The following NR5A2 variants were observed in gnomAD, a reference collection of about 807,000 sequenced individuals.
NR5A2 encodes CYP7A promoter-binding factor.
A neutral mutation model predicts 62.7 loss-of-function variants in NR5A2; 26 were observed. The observed-to-expected ratio is 0.41, with a 90% confidence interval of 0.30 to 0.58. The LOEUF is 0.58. Among genes scored for constraint, NR5A2 ranks in the 20% least tolerant of loss-of-function variants. The probability of loss-of-function intolerance (pLI) is 0.22; values close to 1 mark genes in which losing one functional copy is unlikely to be tolerated. For synonymous variants in NR5A2, 246 were observed against 241.7 expected, an observed-to-expected ratio of 1.02 and a Z score of -0.16; for missense variants, 541 against 669.1, an observed-to-expected ratio of 0.81 and a Z score of 2.11.
intron 1 of NR5A2, among the ~76,000 whole-genome samples, chr1:200,038,531 G>A (rs954826597): frequency 2.3e-4 from 35 of 152,344 alleles, no homozygotes; most frequent in African/African-American, 7.5e-4. Context: ...GGGAGTTGAA[G>A]CTGGAGGACC....
At chr1:200,139,623 C>A (rs1043155052) in intron 7 of NR5A2, among the ~76,000 whole-genome samples, 4 of 152,206 alleles carry the variant, frequency 2.6e-5, no homozygotes, top group African/African-American at 9.6e-5. Context: ...CTGGTTCTAG[C>A]TTCTTCAGTT....
chr1:200,117,129 C>T (rs901494045), intron 6 of NR5A2, among the ~76,000 whole-genome samples: 5 of 152,112 alleles, frequency 3.3e-5, no homozygotes, highest in African/African-American at 1.2e-4. Context: ...TTCAATATCT[C>T]CCTTGAATTT....
chr1:200,048,596 C>T lies in NR5A2; in HGVS notation c.888C>T (p.Ser296=). 1 of 1,614,196 alleles carries T rather than the reference C, an allele frequency of 6.2e-7. No individual in the cohort carries two copies. The highest frequency in any genetic ancestry group is 8.5e-7 in the Non-Finnish European group (1 of 1,180,028). The change falls in exon 5 of 8, where the codon AGC becomes AGT. Residue 296 remains serine, a synonymous_variant. Transcript: ENST00000367362. The surrounding 1 kb of genome is among the most constrained non-coding windows in gnomAD (Gnocchi z 4.8). ...GYSYMDSYQT[S]SPASIPHLIL... The stretch of plus-strand genomic sequence containing the variant: ...CATATATGGATAGTTACCAGACGAG[C>T]TCTCCAGCAAGCATCCCACATCTGA...
At chr1:200,059,992 T>C (rs1444016507) in intron 5 of NR5A2, among the ~76,000 whole-genome samples, 1 of 152,188 alleles carries the variant, frequency 6.6e-6, no homozygotes, top group Non-Finnish European at 1.5e-5. Context: ...CTTGAATATC[T>C]GATACTTAAA....
At chr1:200,105,559 A>G (rs960571949) in intron 5 of NR5A2, among the ~76,000 whole-genome samples, 1 of 152,240 alleles carries the variant, frequency 6.6e-6, no homozygotes, top group Non-Finnish European at 1.5e-5. Flanking sequence ...AAGACCTGAC[A>G]CACCAAAATT....
At chr1:200,119,478 G>T (rs943347316) in intron 6 of NR5A2, among the ~76,000 whole-genome samples, 2 of 152,168 alleles carry the variant, frequency 1.3e-5, no homozygotes, top group Non-Finnish European at 2.9e-5. Flanking sequence ...GTAAAAAAAG[G>T]ATGGGAGCGT....
Position 200,112,315 on chromosome 1 carries a change from C to T in NR5A2, c.1230+994C>T, listed in dbSNP as rs1449372505. Among the ~76,000 whole-genome samples, 5 of 152,198 alleles carry T rather than the reference C, an allele frequency of 3.3e-5. No individual in the cohort carries two copies. The East Asian group carries it at 9.8e-4, about 30-fold the overall frequency. On this transcript the variant is annotated intron_variant, in intron 6 of 7. Coordinates refer to ENST00000367362, the MANE Select transcript of NR5A2 (RefSeq NM_205860.3). ...TTACAGGAATTTAGGCAAGTCTCTC[C>T]AGTTTCTTAACCCTCCGTTCTACAA...
chr1:200,122,501 C>G (rs1053929261), intron 7 of NR5A2, among the ~76,000 whole-genome samples: 2 of 152,146 alleles, frequency 1.3e-5, no homozygotes, highest in Non-Finnish European at 2.9e-5. Context: ...CATGAGCCAT[C>G]TTTAGTTTTC....
chr1:200,046,613 C>G (rs970660588), intron 4 of NR5A2, among the ~76,000 whole-genome samples: 1 of 151,998 alleles, frequency 6.6e-6, no homozygotes, highest in African/African-American at 2.4e-5. Flanking sequence ...ACAGAGGTAG[C>G]CACTTTGGTT....
intron 1 of NR5A2, among the ~76,000 whole-genome samples, chr1:200,036,115 G>A (rs1410147378): frequency 2.6e-5 from 4 of 152,270 alleles, no homozygotes; most frequent in Admixed American, 6.5e-5. Context: ...TTATGGGTCA[G>A]TGCAGACCAC....
At chr1:200,110,497 C>A (rs376967459) in intron 5 of NR5A2, among the ~76,000 whole-genome samples, 5 of 152,140 alleles carry the variant, frequency 3.3e-5, no homozygotes, top group Admixed American at 2.0e-4. Flanking sequence ...CTCATAGCAA[C>A]CTTGTCAGGA....
intron 7 of NR5A2, 91 bp downstream of exon 7, chr1:200,121,046 T>C: frequency 7.4e-7 from 1 of 1,346,664 alleles, no homozygotes; most frequent in Non-Finnish European, 1.0e-6. Flanking sequence ...ATGTTTTTGT[T>C]CTATCAATAT....
rs374515829 is a variant in NR5A2, at chr1:200,091,587, C to T, written c.1111-19615C>T. The stretch of plus-strand genomic sequence containing the variant: ...GCAACCTCTACCTCCCAGGTTCAAG[C>T]GATTCTCCTGCCTCAGCCTCCTGAG... On this transcript the variant is annotated intron_variant, in intron 5 of 7. Coordinates refer to ENST00000367362, the MANE Select transcript of NR5A2 (RefSeq NM_205860.3). Among the ~76,000 whole-genome samples, 493 of 150,764 alleles carry T rather than the reference C, an allele frequency of 3.3e-3. 2 individuals are homozygous for T. The highest frequency in any genetic ancestry group is 5.4e-3 in the Non-Finnish European group (367 of 67,788).
chr1:200,123,320 G>A (rs2737683), intron 7 of NR5A2, among the ~76,000 whole-genome samples: 66,792 of 152,002 alleles, frequency 0.44, 14,973 homozygotes, highest in East Asian at 0.68. Flanking sequence ...GGTCCCAAGC[G>A]GGTGCAGCGT....
chr1:200,148,906 C>CCT (rs1667853521), intron 7 of NR5A2, among the ~76,000 whole-genome samples: 1 of 125,296 alleles, frequency 8.0e-6, no homozygotes, highest in Admixed American at 8.3e-5. Flanking sequence ...GCATGCGGTA[C>CCT]TTTTTTTTTT....
intron 5 of NR5A2, among the ~76,000 whole-genome samples, chr1:200,077,733 C>T (rs1168560389): frequency 4.2e-5 from 6 of 144,510 alleles, no homozygotes; most frequent in Non-Finnish European, 9.2e-5. Context: ...CAAAAACAAA[C>T]AAACTGGCAA....
intron 6 of NR5A2, among the ~76,000 whole-genome samples, chr1:200,114,332 GA>G (rs903494249): frequency 1.3e-5 from 2 of 150,406 alleles, no homozygotes; most frequent in Non-Finnish European, 3.0e-5. Flanking sequence ...GAAGGAGGCA[GA>G]AAAAAAAGAA....
At chr1:200,130,650 G>A (rs1011106179) in intron 7 of NR5A2, among the ~76,000 whole-genome samples, 2 of 152,140 alleles carry the variant, frequency 1.3e-5, no homozygotes, top group African/African-American at 2.4e-5. Context: ...CTTTTTGCTT[G>A]GTAGCTGCAT....
chr1:200,071,029 T>C (rs1035885544), intron 5 of NR5A2, among the ~76,000 whole-genome samples: 3 of 152,206 alleles, frequency 2.0e-5, no homozygotes, highest in African/African-American at 7.2e-5. Context: ...TTTCCAGATA[T>C]ATACGTCCTT....
Sources: gnomAD v4.1 joint callset for allele counts (sites outside exome capture counted in the v4.1 genomes callset) on GRCh38, gnomAD v4.1.1 for gene constraint, Gnocchi (gnomAD v3.1) non-coding constraint, MANE v1.5 for transcripts, NCBI Gene and HGNC (gene_info 2026-07-23, HGNC 2026-07-21) for gene names.